Variants in PPP4R2 observed in about 807,000 individuals in gnomAD.
PPP4R2 encodes the protein serine/threonine-protein phosphatase 4 regulatory subunit 2.
Under a neutral mutation model 47.2 loss-of-function variants are expected in PPP4R2, and 13 were observed. The ratio of observed to expected loss-of-function variants is 0.28; its 90% CI spans 0.18 to 0.44. The LOEUF (loss-of-function observed/expected upper bound fraction) is 0.44. Among genes scored for constraint, PPP4R2 ranks in the 20% least tolerant of loss-of-function variants. The pLI, the probability that PPP4R2 is intolerant of heterozygous loss-of-function variation, is 1.00. For synonymous variants in PPP4R2, 151 were observed against 163.3 expected (o/e 0.92, Z 0.57); for missense variants, 421 against 491.2 (o/e 0.86, Z 1.35).
rs1235491628 is a variant in PPP4R2, at chr3:73,026,520, A to T, written c.117-20666A>T. Among the ~76,000 whole-genome samples, 3 of 152,152 alleles carry T rather than the reference A, an allele frequency of 2.0e-5. No homozygotes were observed. The South Asian group carries it at 6.2e-4, about 32-fold the overall frequency. ...GTTTAGAGTGAGTTCCCTGAGGACA[A>T]CTAAATTCTTTATATATCTTTTCTT... On this transcript the variant is annotated intron_variant, in intron 2 of 8. Coordinates refer to ENST00000356692, the MANE Select transcript of PPP4R2 (RefSeq NM_174907.4).
Position 72,998,172 on chromosome 3 carries a change from A to G in PPP4R2, c.116+14A>G. ...TGGAGAAACAATGTGAGTTGAAAACATGCATTTGTCGTTATAGACCAGTGC... is the reference window on the plus strand; with the variant it reads ...TGGAGAAACAATGTGAGTTGAAAACGTGCATTTGTCGTTATAGACCAGTGC... On this transcript the variant is annotated intron_variant, in intron 2 of 8. Transcript: ENST00000356692. 6.4e-7 allele frequency: 1 copy of G among 1,572,706 alleles called. No homozygotes were observed. The highest frequency in any genetic ancestry group is 8.7e-7 in the Non-Finnish European group (1 of 1,150,490).
chr3:72,999,771 G>A (rs148190170), intron 2 of PPP4R2, among the ~76,000 whole-genome samples: 105 of 152,152 alleles, frequency 6.9e-4, no homozygotes, highest in African/African-American at 2.4e-3. Flanking sequence ...CCCCATATTC[G>A]GTGTTTATGT....
intron 2 of PPP4R2, among the ~76,000 whole-genome samples, chr3:72,998,892 T>C (rs1182310282): frequency 6.6e-6 from 1 of 152,090 alleles, no homozygotes; most frequent in Non-Finnish European, 1.5e-5. Flanking sequence ...TTGTAGTCTT[T>C]GGGTGGGGGC....
At chr3:73,012,973 T>C (rs946833778) in intron 2 of PPP4R2, among the ~76,000 whole-genome samples, 1 of 152,022 alleles carries the variant, frequency 6.6e-6, no homozygotes, top group Middle Eastern at 3.4e-3. Context: ...TTCATGTTTG[T>C]AGGGTCATTG....
intron 2 of PPP4R2, among the ~76,000 whole-genome samples, chr3:73,012,641 G>A (rs183176066): frequency 3.9e-3 from 600 of 152,272 alleles, no homozygotes; most frequent in Non-Finnish European, 6.8e-3. Context: ...TTGGATTCGC[G>A]AATGTGGAAC....
Position 73,065,632 on chromosome 3 carries a change from C to T in PPP4R2, c.1164C>T (p.Ser388=). 1 of 1,613,276 alleles carries T rather than the reference C, an allele frequency of 6.2e-7. No individual in the cohort carries two copies. Among genetic ancestry groups the T allele is most frequent in the Non-Finnish European group, 8.5e-7 (1 of 1,179,348 alleles). The change falls in exon 9 of 9, where the codon TCC becomes TCT. Residue 388 remains serine (S), a synonymous_variant. Coordinates refer to ENST00000356692, the MANE Select transcript of PPP4R2 (RefSeq NM_174907.4). The part of the protein sequence containing the change: ...RETEELVGSN[S]SKTGEILSES... ...CAGAAGAATTAGTAGGATCCAATTC[C>T]AGTAAAACTGGAGAGATTCTTTCAG...
chr3:73,008,221 C>T (rs1488608505), intron 2 of PPP4R2, among the ~76,000 whole-genome samples: 1 of 152,116 alleles, frequency 6.6e-6, no homozygotes, highest in Non-Finnish European at 1.5e-5. Context: ...CATGTGCTGT[C>T]ATCACAGTGG....
intron 2 of PPP4R2, among the ~76,000 whole-genome samples, chr3:73,010,486 T>G (rs1172543783): frequency 6.6e-6 from 1 of 152,190 alleles, no homozygotes; most frequent in Admixed American, 6.6e-5. Flanking sequence ...GCTTGTAATT[T>G]GTTTGACCGT....
At chr3:73,024,677 C>G (rs959890907) in intron 2 of PPP4R2, among the ~76,000 whole-genome samples, 3 of 152,100 alleles carry the variant, frequency 2.0e-5, no homozygotes, top group African/African-American at 7.2e-5. Context: ...CCTTTCCTTT[C>G]CTTTCCCTTT....
intron 7 of PPP4R2, 54 bp downstream of exon 7, chr3:73,064,200 A>T: frequency 6.9e-7 from 1 of 1,441,840 alleles, no homozygotes; most frequent in Non-Finnish European, 9.5e-7. Context: ...TAAAGTTAAC[A>T]TTTAATCAGT....
At chr3:73,052,614 AT>A (rs979444207) in intron 3 of PPP4R2, among the ~76,000 whole-genome samples, 1 of 152,168 alleles carries the variant, frequency 6.6e-6, no homozygotes, top group Admixed American at 6.6e-5. Context: ...TGTAAGTTAC[AT>A]TCCTGGCAGT....
chr3:73,042,922 A>T (rs1347350037), intron 2 of PPP4R2, among the ~76,000 whole-genome samples: 1 of 152,164 alleles, frequency 6.6e-6, no homozygotes, highest in African/African-American at 2.4e-5. Flanking sequence ...AGTGCCATAG[A>T]GTCTTTGAAT....
intron 3 of PPP4R2, among the ~76,000 whole-genome samples, chr3:73,049,622 A>G (rs576065108): frequency 1.4e-4 from 21 of 152,200 alleles, no homozygotes; most frequent in African/African-American, 4.8e-4. Context: ...ATAAAAGTTA[A>G]GGTGAAACAG....
At chr3:73,016,870 G>A (rs569298208) in intron 2 of PPP4R2, among the ~76,000 whole-genome samples, 2 of 140,304 alleles carry the variant, frequency 1.4e-5, no homozygotes, top group South Asian at 2.3e-4. Flanking sequence ...CCAGGCTGGA[G>A]TTCAGTGGCT....
intron 2 of PPP4R2, among the ~76,000 whole-genome samples, chr3:73,046,902 A>G (rs946702753): frequency 6.6e-6 from 1 of 152,154 alleles, no homozygotes; most frequent in Non-Finnish European, 1.5e-5. Flanking sequence ...ACATACTAAG[A>G]ATAGGACCTA....
chr3:73,003,461 CT>C (rs1223502223), intron 2 of PPP4R2, among the ~76,000 whole-genome samples: 2 of 151,994 alleles, frequency 1.3e-5, no homozygotes, highest in African/African-American at 4.8e-5. Context: ...GATCCTCCCC[CT>C]GCCTTTGCCT....
At position 73,066,860 on chromosome 3, in the gene PPP4R2, A is replaced by G. The variant is rs1363491293; in HGVS notation, c.*1138A>G. 6.6e-6 allele frequency: 1 copy of G among 152,082 alleles called. No homozygotes were observed. Among genetic ancestry groups the G allele is most frequent in the African/African-American group, 2.4e-5 (1 of 41,448 alleles). The allele number at this position is 152,082 out of a possible 1,614,324, so 9.4% of individuals were successfully genotyped here. ...TTTGAAGTGAATTAAATATTTTTGA[A>G]CATGCTTCTTCGACAGCCAGTGTTA... On this transcript the variant is annotated 3_prime_UTR_variant, in exon 9 of 9. Coordinates refer to ENST00000356692, the MANE Select transcript of PPP4R2 (RefSeq NM_174907.4).
At chr3:73,060,044 G>T (rs550691782) in intron 4 of PPP4R2, among the ~76,000 whole-genome samples, 56 of 152,206 alleles carry the variant, frequency 3.7e-4, no homozygotes, top group Non-Finnish European at 5.9e-4. Context: ...AGGAAGCCCT[G>T]TGAGAACCAA....
At chr3:73,031,705 A>G (rs1040148587) in intron 2 of PPP4R2, among the ~76,000 whole-genome samples, 8 of 152,178 alleles carry the variant, frequency 5.3e-5, no homozygotes, top group Admixed American at 1.3e-4. Flanking sequence ...GAGAATGCCA[A>G]TATAAGCCCA....
Sources: allele counts gnomAD v4.1 joint callset (sites outside exome capture counted in the v4.1 genomes callset), GRCh38; gene constraint gnomAD v4.1.1; transcripts MANE v1.5; gene names NCBI Gene and HGNC (gene_info 2026-07-23, HGNC 2026-07-21).